WDFY1: variants seen among roughly 807,000 people sequenced by gnomAD.
WDFY1 encodes WD repeat and FYVE domain-containing protein 1.
Under a neutral mutation model 56.4 loss-of-function variants are expected in WDFY1, and 32 were observed. That is an observed-to-expected ratio of 0.57 (90% confidence interval 0.43 to 0.76). WDFY1 has a LOEUF of 0.76. WDFY1 is among the 30% of genes least tolerant of loss of function. The pLI is 0.00. For synonymous variants in WDFY1, 192 were observed against 197.3 expected (o/e 0.97, Z 0.23); for missense variants, 480 against 545.7 (o/e 0.88, Z 1.20).
intron 1 of WDFY1, among the ~76,000 whole-genome samples, chr2:223,922,382 G>C (rs1390055671): frequency 6.6e-6 from 1 of 152,152 alleles, no homozygotes; most frequent in African/African-American, 2.4e-5. Context: ...TCCGACATAG[G>C]GGATGAAGCC....
At chr2:223,897,456 G>T (rs113339522) in intron 6 of WDFY1, among the ~76,000 whole-genome samples, 2,071 of 147,064 alleles carry the variant, frequency 0.014, 38 homozygotes, top group Middle Eastern at 0.062. Flanking sequence ...TTGGCTCACT[G>T]CAACCTCTGC....
chr2:223,907,900 T>C (rs1693626232), intron 3 of WDFY1, among the ~76,000 whole-genome samples: 1 of 151,180 alleles, frequency 6.6e-6, no homozygotes, highest in Admixed American at 6.6e-5. Context: ...TGTTCTGCCA[T>C]CCAGGCTGGA....
chr2:223,876,269 G>C lies in WDFY1; in HGVS notation c.*2402C>G, dbSNP rs1283179898. On this transcript the variant is annotated 3_prime_UTR_variant, in exon 12 of 12. Transcript: ENST00000233055. ...TCAGGAATGGAACAACCAGTAAACT[G>C]TTACTTGAAGAACTAATTTAAATGA... 1 of 152,440 alleles carries C rather than the reference G, an allele frequency of 6.6e-6. No individual in the cohort carries two copies. The highest frequency in any genetic ancestry group is 1.5e-5 in the Non-Finnish European group (1 of 68,002). The allele number at this position is 152,440 out of a possible 1,614,324, so 9.4% of individuals were successfully genotyped here. A position where few individuals can be genotyped will look rare whatever the true frequency, so the allele number is the denominator to read the frequency against.
chr2:223,889,577 T>A (rs1693232453), intron 8 of WDFY1, among the ~76,000 whole-genome samples: 1 of 152,210 alleles, frequency 6.6e-6, no homozygotes, highest in Admixed American at 6.5e-5. Context: ...CCTCTTGCCT[T>A]CCATGTAAGA....
At chr2:223,924,873 T>G (rs868050745) in intron 1 of WDFY1, among the ~76,000 whole-genome samples, 1 of 61,004 alleles carries the variant, frequency 1.6e-5, no homozygotes, top group Admixed American at 1.8e-4. Flanking sequence ...TTTGTCAGAA[T>G]TGTAAATTAG....
intron 11 of WDFY1, 125 bp from the exon 12 acceptor site, chr2:223,878,855 C>T: frequency 8.1e-7 from 1 of 1,227,208 alleles, no homozygotes; most frequent in Non-Finnish European, 1.1e-6. Flanking sequence ...TTTTCTCATT[C>T]TCCTCTTTCA....
rs1022308935 is a variant in WDFY1, at chr2:223,876,182, T to G, written c.*2489A>C. 6.6e-6 allele frequency: 1 copy of G among 152,522 alleles called. No individual in the cohort carries two copies. Among genetic ancestry groups the G allele is most frequent in the Admixed American group, 6.6e-5 (1 of 15,234 alleles). 9.4% of individuals were successfully genotyped at this position (152,522 alleles called of 1,614,324 possible). A position where few individuals can be genotyped will look rare whatever the true frequency, so the allele number is the denominator to read the frequency against. ...ACCACATATATACTAGATGTAAATA[T>G]AAGGATCTTCTCTAATAGTCTGTAT... On this transcript the variant is annotated 3_prime_UTR_variant, in exon 12 of 12. Transcript: ENST00000233055.
At chr2:223,944,553 G>T (rs1371499600) in intron 1 of WDFY1, among the ~76,000 whole-genome samples, 1 of 150,600 alleles carries the variant, frequency 6.6e-6, no homozygotes, top group Non-Finnish European at 1.5e-5. Context: ...CTGGGCTGGA[G>T]AGGTGCGTTG....
intron 1 of WDFY1, among the ~76,000 whole-genome samples, chr2:223,923,558 G>A (rs1693925774): frequency 2.0e-5 from 3 of 152,138 alleles, no homozygotes; most frequent in Admixed American, 6.5e-5. Flanking sequence ...TCAGGAGATC[G>A]AGACCATCCT....
At chr2:223,941,988 G>T (rs888662393) in intron 1 of WDFY1, among the ~76,000 whole-genome samples, 1 of 151,982 alleles carries the variant, frequency 6.6e-6, no homozygotes, top group Non-Finnish European at 1.5e-5. Flanking sequence ...AACCTCAAAC[G>T]CCAACCCCAT....
chr2:223,889,563 A>G (rs111864158), intron 8 of WDFY1, among the ~76,000 whole-genome samples: 13 of 152,162 alleles, frequency 8.5e-5, no homozygotes, highest in African/African-American at 2.9e-4. Flanking sequence ...TCCCCTGCAC[A>G]TGCCCTCTTG....
chr2:223,899,511 G>A (rs1183562902), intron 5 of WDFY1, among the ~76,000 whole-genome samples: 1 of 152,340 alleles, frequency 6.6e-6, no homozygotes, highest in Non-Finnish European at 1.5e-5. Context: ...TTGGGAGGCT[G>A]AGGCGGGCAG....
intron 1 of WDFY1, among the ~76,000 whole-genome samples, chr2:223,925,578 A>G (rs1424486027): frequency 2.0e-5 from 3 of 152,192 alleles, no homozygotes; most frequent in Non-Finnish European, 4.4e-5. Flanking sequence ...AAAATAAGAC[A>G]ACCAAGAAGT....
intron 4 of WDFY1, among the ~76,000 whole-genome samples, chr2:223,904,570 A>G (rs2106084496): frequency 6.6e-6 from 1 of 152,214 alleles, no homozygotes; most frequent in East Asian, 1.9e-4. Flanking sequence ...TCCTATTTTA[A>G]ATTTGGAACA....
chr2:223,913,241 A>T (rs1237029507), intron 2 of WDFY1, among the ~76,000 whole-genome samples: 1 of 151,896 alleles, frequency 6.6e-6, no homozygotes, highest in Non-Finnish European at 1.5e-5. Flanking sequence ...AGATAAAAGA[A>T]AAAACGTCTT....
chr2:223,901,068 A>G (rs1574765760), intron 5 of WDFY1, 115 bp downstream of exon 5: 1 of 1,324,486 alleles, frequency 7.6e-7, no homozygotes, highest in East Asian at 2.6e-5. Flanking sequence ...CTTTTGCACA[A>G]ACTTAAATAG....
In WDFY1 at chr2:223,878,712, C is replaced by T; in HGVS notation, c.1192G>A (p.Val398Met). Residue 398 changes from valine (V) to methionine (M), a missense_variant, in exon 12 of 12, where the codon GTG becomes ATG. Coordinates refer to ENST00000233055, the MANE Select transcript of WDFY1 (RefSeq NM_020830.5). ...CCAGTCGCCAGACTGCAGCCCACCA[C>T]AGGTGTCATGTCCCAGATCTACAAG... is the stretch of plus-strand genomic sequence containing the variant. ...RIVKIWDMTP[V>M]VGCSLATGFS... 3 of 1,613,900 alleles carry T rather than the reference C, an allele frequency of 1.9e-6. No homozygotes were observed.
chr2:223,932,884 A>C (rs1694103099), intron 1 of WDFY1, among the ~76,000 whole-genome samples: 1 of 148,630 alleles, frequency 6.7e-6, no homozygotes, highest in African/African-American at 2.5e-5. Flanking sequence ...AAAAAAGTGT[A>C]CTTCTGGCAT....
intron 5 of WDFY1, 51 bp downstream of exon 5, chr2:223,901,132 A>T (rs761507894): frequency 6.4e-7 from 1 of 1,571,766 alleles, no homozygotes; most frequent in South Asian, 1.2e-5. Context: ...AGAACCAAAC[A>T]CTGAGAAGCA....
Sources: gnomAD v4.1 joint callset for allele counts (sites outside exome capture counted in the v4.1 genomes callset) on GRCh38, gnomAD v4.1.1 for gene constraint, MANE v1.5 for transcripts, NCBI Gene and HGNC (gene_info 2026-07-23, HGNC 2026-07-21) for gene names.